SLC39A11: variants seen among roughly 807,000 people sequenced by gnomAD.
SLC39A11 encodes the protein solute carrier family 39 member 11.
A neutral mutation model predicts 36.1 loss-of-function variants in SLC39A11; 33 were observed. The ratio of observed to expected loss-of-function variants is 0.91; its 90% CI spans 0.69 to 1.22. SLC39A11 has a LOEUF of 1.22. Ranked by LOEUF, SLC39A11 falls within the 50% of genes most tolerant of loss-of-function variation. The pLI, the probability that SLC39A11 is intolerant of heterozygous loss-of-function variation, is 0.00. For missense variants in SLC39A11, 432 were observed against 430.3 expected (o/e 1.00, Z -0.03); for synonymous variants, 166 against 170.3 (o/e 0.97, Z 0.20).
At chr17:72,719,666 G>A (rs547044900) in intron 7 of SLC39A11, among the ~76,000 whole-genome samples, 3 of 152,188 alleles carry the variant, frequency 2.0e-5, no homozygotes, top group Non-Finnish European at 2.9e-5. Flanking sequence ...CGGGAAAGCC[G>A]CAAGGAAACC....
intron 6 of SLC39A11, among the ~76,000 whole-genome samples, chr17:72,797,674 T>C (rs1182528411): frequency 6.6e-6 from 1 of 152,118 alleles, no homozygotes; most frequent in East Asian, 1.9e-4. Flanking sequence ...ACTCACGGGA[T>C]GCACACCATC....
intron 4 of SLC39A11, among the ~76,000 whole-genome samples, chr17:72,961,704 C>G (rs9747864): frequency 1.2e-4 from 18 of 147,670 alleles, no homozygotes; most frequent in Admixed American, 2.7e-4. Flanking sequence ...CACTTGGACA[C>G]GGGGCGGGGA....
At chr17:72,963,668 C>A (rs1230810681) in intron 4 of SLC39A11, among the ~76,000 whole-genome samples, 1 of 152,158 alleles carries the variant, frequency 6.6e-6, no homozygotes, top group Non-Finnish European at 1.5e-5. Context: ...CACAAACTTA[C>A]AATCAAAGCT....
intron 5 of SLC39A11, among the ~76,000 whole-genome samples, chr17:72,928,573 AG>A (rs1285091011): frequency 4.6e-5 from 7 of 152,194 alleles, no homozygotes; most frequent in African/African-American, 1.2e-4. Flanking sequence ...TCTTACAACC[AG>A]GAAGTGTAGG....
chr17:72,902,414 G>A (rs1014990586), intron 5 of SLC39A11, among the ~76,000 whole-genome samples: 2 of 148,032 alleles, frequency 1.4e-5, no homozygotes, highest in Non-Finnish European at 3.0e-5. Context: ...ACTAGGAAGA[G>A]GCAAGTAAGG....
rs117035129 is a variant in SLC39A11 at position 73,010,099 on chromosome 17, T to C, written c.306+21457A>G. Among the ~76,000 whole-genome samples the C allele has an allele frequency of 7.3e-3, 1,111 of 152,198 alleles. 10 individuals carry two copies. The highest frequency in any genetic ancestry group is 0.01 in the Non-Finnish European group (698 of 68,000). Reference sequence around the variant, plus strand: ...CCTGCCTTTCTGGACTGACTGTGGTTCTCTGACTAGAGGGAGCATCTAAGT... The same window carrying C: ...CCTGCCTTTCTGGACTGACTGTGGTCCTCTGACTAGAGGGAGCATCTAAGT... On this transcript the variant is annotated intron_variant, in intron 4 of 9. Transcript: ENST00000255559.
Position 73,006,834 on chromosome 17 carries a change from C to T in SLC39A11, c.306+24722G>A, listed in dbSNP as rs1359390222. The stretch of plus-strand genomic sequence containing the variant: ...CACATTTAGGAAGCGTTTATTGCGG[C>T]GGGAGTTGTTAGGGGAGAGATTAAG... On this transcript the variant is annotated intron_variant, in intron 4 of 9. Transcript: ENST00000255559. 2.4e-4 allele frequency among the ~76,000 whole-genome samples: 36 copies of T among 152,114 alleles called. 1 individual carries two copies. The highest frequency in any genetic ancestry group is 2.2e-3 in the Admixed American group (34 of 15,268).
At chr17:72,854,115 T>A (rs1035827888) in intron 5 of SLC39A11, among the ~76,000 whole-genome samples, 1 of 152,014 alleles carries the variant, frequency 6.6e-6, no homozygotes, top group African/African-American at 2.4e-5. Context: ...CTTCAATGAG[T>A]CCTCAATCCT....
chr17:72,756,701 T>G (rs965509202), intron 6 of SLC39A11, among the ~76,000 whole-genome samples: 2 of 152,186 alleles, frequency 1.3e-5, no homozygotes, highest in South Asian at 2.1e-4. Flanking sequence ...TGGAGGTGGA[T>G]GGAGGTGATG....
chr17:72,667,486 T>C (rs962082131), intron 7 of SLC39A11, among the ~76,000 whole-genome samples: 5 of 152,134 alleles, frequency 3.3e-5, no homozygotes, highest in African/African-American at 9.7e-5. Flanking sequence ...TGGGAAACAA[T>C]TGTGTTTTCT....
chr17:73,009,951 T>C (rs1478097436), intron 4 of SLC39A11, among the ~76,000 whole-genome samples: 1 of 150,346 alleles, frequency 6.7e-6, no homozygotes, highest in African/African-American at 2.4e-5. Flanking sequence ...AGTGTTCTCA[T>C]CGAATACAAC....
At chr17:72,902,288 GAA>G (rs76125508) in intron 5 of SLC39A11, among the ~76,000 whole-genome samples, 7 of 141,346 alleles carry the variant, frequency 5.0e-5, no homozygotes, top group Middle Eastern at 3.5e-3. Context: ...AAATAAAAAG[GAA>G]AAAAAAAAAA....
chr17:73,057,573 G>T (rs573130064), intron 3 of SLC39A11, among the ~76,000 whole-genome samples: 81 of 152,184 alleles, frequency 5.3e-4, no homozygotes, highest in Non-Finnish European at 9.1e-4. Context: ...CACTTTTATG[G>T]TTTGGTGAAA....
At chr17:72,712,362 A>G (rs2713961) in intron 7 of SLC39A11, among the ~76,000 whole-genome samples, 41,865 of 152,216 alleles carry the variant, frequency 0.28, 7,149 homozygotes, top group African/African-American at 0.48. Context: ...TTTACCAAAC[A>G]CTAGAGGCCA....
intron 5 of SLC39A11, among the ~76,000 whole-genome samples, chr17:72,862,763 T>A (rs573715206): frequency 1.3e-5 from 2 of 152,208 alleles, no homozygotes; most frequent in Admixed American, 6.5e-5. Flanking sequence ...GGCTGGAAGA[T>A]GAAGAGGCAA....
chr17:72,794,812 C>T (rs1429485537), intron 6 of SLC39A11, among the ~76,000 whole-genome samples: 1 of 152,028 alleles, frequency 6.6e-6, no homozygotes, highest in African/African-American at 2.4e-5. Context: ...TGCTGTATAA[C>T]AAGGTACCCA....
At chr17:73,080,391 G>A (rs532908358) in intron 3 of SLC39A11, among the ~76,000 whole-genome samples, 4 of 152,240 alleles carry the variant, frequency 2.6e-5, no homozygotes, top group South Asian at 2.1e-4. Flanking sequence ...GAGAAAGGAC[G>A]TCCTATTCAA....
chr17:73,086,590 C>A (rs947010546), intron 2 of SLC39A11, among the ~76,000 whole-genome samples: 2 of 152,138 alleles, frequency 1.3e-5, no homozygotes, highest in African/African-American at 4.8e-5. Context: ...GAGGCCGAGG[C>A]AGGCAGATCA....
intron 6 of SLC39A11, among the ~76,000 whole-genome samples, chr17:72,762,952 C>T (rs761862718): frequency 6.6e-6 from 1 of 152,182 alleles, no homozygotes; most frequent in African/African-American, 2.4e-5. Context: ...GGAAATAGGC[C>T]TTGATGTCCA....
Sources: gnomAD v4.1 joint callset for allele counts (sites outside exome capture counted in the v4.1 genomes callset) on GRCh38, gnomAD v4.1.1 for gene constraint, MANE v1.5 for transcripts, NCBI Gene and HGNC (gene_info 2026-07-23, HGNC 2026-07-21) for gene names.